The following GAB1 variants were observed in gnomAD, a reference collection of about 807,000 sequenced individuals.
GAB1 encodes GRB2 associated binding protein 1.
GAB1 carries 19 observed loss-of-function variants against 66.5 expected under a neutral mutation model. The observed-to-expected ratio is 0.29, with a 90% CI of 0.20 to 0.42. The LOEUF (loss-of-function observed/expected upper bound fraction) is 0.42. Among genes scored for constraint, GAB1 ranks in the 10% least tolerant of loss-of-function variants. GAB1 has a pLI of 1.00. For missense variants in GAB1, 732 were observed against 858.5 expected, an observed-to-expected ratio of 0.85 and a Z score of 1.84; for synonymous variants, 294 against 301.4, an observed-to-expected ratio of 0.98 and a Z score of 0.25.
intron 2 of GAB1, chr4:143,425,754 T>G: frequency 1.3e-6 from 1 of 762,678 alleles, no homozygotes; most frequent in South Asian, 1.3e-5. Flanking sequence ...AGCTCCTGAG[T>G]TCACTGCTAC....
At position 143,469,214 on chromosome 4, in the gene GAB1, C is replaced by T; in HGVS notation, c.*25C>T. 6.2e-7 allele frequency: 1 copy of T among 1,609,984 alleles called. No homozygotes were observed. The highest frequency in any genetic ancestry group is 1.3e-5 in the African/African-American group (1 of 74,774). On this transcript the variant is annotated 3_prime_UTR_variant, in exon 10 of 10. Transcript: ENST00000262994. ...AAAATATTGCCTTGCCATTTCTGAACAAAAGAAAACTGAATTGTAAAGATA... is the reference window on the plus strand; with the variant it reads ...AAAATATTGCCTTGCCATTTCTGAATAAAAGAAAACTGAATTGTAAAGATA...
At chr4:143,351,601 G>C (rs1248579577) in intron 1 of GAB1, among the ~76,000 whole-genome samples, 6 of 152,180 alleles carry the variant, frequency 3.9e-5, no homozygotes, top group African/African-American at 1.2e-4. Context: ...ACCTAGGTTC[G>C]TGGGGATGGA....
intron 6 of GAB1, among the ~76,000 whole-genome samples, chr4:143,454,972 TAGGAA>T (rs2149784758): frequency 6.6e-6 from 1 of 152,190 alleles, no homozygotes; most frequent in East Asian, 1.9e-4. Context: ...TCTTTTCCTC[TAGGAA>T]TAGGTTTTAA....
intron 1 of GAB1, among the ~76,000 whole-genome samples, chr4:143,383,014 G>A (rs1730722714): frequency 6.6e-6 from 1 of 152,042 alleles, no homozygotes; most frequent in Non-Finnish European, 1.5e-5. Flanking sequence ...TTTAACAGTT[G>A]TTTTCTGCTG....
At position 143,416,072 on chromosome 4, in the gene GAB1, A is replaced by G. The variant is rs980001767; in HGVS notation, c.367+301A>G. Among the ~76,000 whole-genome samples, 10 of 152,202 alleles carry G rather than the reference A, an allele frequency of 6.6e-5. No homozygotes were observed. The highest frequency in any genetic ancestry group is 2.4e-4 in the African/African-American group (10 of 41,462). ...CAATATAAATATTCAGTTTAACCAT[A>G]TAACACTGTTGATATTTTACTATTT... On this transcript the variant is annotated intron_variant, in intron 2 of 9. Transcript: ENST00000262994.
intron 1 of GAB1, among the ~76,000 whole-genome samples, chr4:143,412,032 A>G (rs1012998906): frequency 6.6e-6 from 1 of 152,102 alleles, no homozygotes; most frequent in Non-Finnish European, 1.5e-5. Context: ...TATAATGTCT[A>G]CTCAGCCTCT....
In GAB1 at chr4:143,346,144, C is replaced by G. The variant is rs1390261308; in HGVS notation, c.72+8884C>G. On this transcript the variant is annotated intron_variant, in intron 1 of 9. Transcript: ENST00000262994. Reference sequence around the variant, plus strand: ...TTCTCTGTGATATAAGCCTAGACATCAAAAATCACAAAATATTTGTGTCCC... The same window carrying G: ...TTCTCTGTGATATAAGCCTAGACATGAAAAATCACAAAATATTTGTGTCCC... Among the ~76,000 whole-genome samples, 4 of 152,288 alleles carry G rather than the reference C, an allele frequency of 2.6e-5. No individual in the cohort carries two copies. In the East Asian group the frequency reaches 7.7e-4, roughly 29 times the overall value.
At chr4:143,416,249 CA>C (rs1289398978) in intron 2 of GAB1, among the ~76,000 whole-genome samples, 3 of 150,946 alleles carry the variant, frequency 2.0e-5, no homozygotes, top group South Asian at 2.1e-4. Flanking sequence ...ACTAAAAATA[CA>C]AAAAAAAATT....
rs541380364 is a variant in GAB1, at chr4:143,439,298, C to A, written c.1196-504C>A. ...AAGCTAAAGTTTTTAATGCACATATCCTAAACAGTATGTGCTAAAATTTCT... is the reference window on the plus strand; with the variant it reads ...AAGCTAAAGTTTTTAATGCACATATACTAAACAGTATGTGCTAAAATTTCT... On this transcript the variant is annotated intron_variant, in intron 4 of 9. Coordinates refer to ENST00000262994, the MANE Select transcript of GAB1 (RefSeq NM_002039.4). 4.3e-4 allele frequency among the ~76,000 whole-genome samples: 66 copies of A among 152,256 alleles called. 1 individual carries two copies. Among genetic ancestry groups the A allele is most frequent in the Admixed American group, 3.7e-3 (57 of 15,286 alleles).
intron 9 of GAB1, among the ~76,000 whole-genome samples, chr4:143,467,990 G>C (rs183246845): frequency 3.1e-4 from 47 of 152,170 alleles, no homozygotes; most frequent in Admixed American, 2.6e-4. Flanking sequence ...GAATGAAAAG[G>C]CATCAGCTTA....
chr4:143,399,185 C>A (rs1731618151), intron 1 of GAB1, among the ~76,000 whole-genome samples: 1 of 152,126 alleles, frequency 6.6e-6, no homozygotes, highest in Non-Finnish European at 1.5e-5. Context: ...AGTAAAGTGG[C>A]CAGACCATGT....
intron 1 of GAB1, among the ~76,000 whole-genome samples, chr4:143,344,761 TAGA>T (rs1728937083): frequency 1.3e-5 from 2 of 152,184 alleles, no homozygotes; most frequent in African/African-American, 4.8e-5. Context: ...TCTTAAATAA[TAGA>T]AGAATGCCCT....
At chr4:143,339,616 A>G (rs2149639270) in intron 1 of GAB1, among the ~76,000 whole-genome samples, 1 of 152,362 alleles carries the variant, frequency 6.6e-6, no homozygotes, top group Non-Finnish European at 1.5e-5. Flanking sequence ...TCAGGTGCAC[A>G]GTGCTAAAGA....
chr4:143,441,613 C>T (rs886902002), intron 6 of GAB1, among the ~76,000 whole-genome samples: 2 of 151,380 alleles, frequency 1.3e-5, no homozygotes, highest in Admixed American at 1.3e-4. Flanking sequence ...TTCTAGGGGA[C>T]TGTTGCTGTG....
chr4:143,472,032 C>G lies in GAB1; in HGVS notation c.*2843C>G, dbSNP rs148179986. 6.6e-6 allele frequency: 1 copy of G among 152,228 alleles called. No individual in the cohort carries two copies. Among genetic ancestry groups the G allele is most frequent in the East Asian group, 1.9e-4 (1 of 5,186 alleles). 9.4% of individuals were successfully genotyped at this position (152,228 alleles called of 1,614,324 possible). ...CACATTAGAGTTCTTTACCTTAATT[C>G]CTTATTCTGAAAAATTGTAAGATTT... On this transcript the variant is annotated 3_prime_UTR_variant, in exon 10 of 10. Transcript: ENST00000262994.
intron 1 of GAB1, among the ~76,000 whole-genome samples, chr4:143,414,667 C>T (rs1227269812): frequency 2.0e-5 from 3 of 151,480 alleles, no homozygotes; most frequent in Non-Finnish European, 4.4e-5. Flanking sequence ...TCCTTGCCAC[C>T]GCACCTAAAA....
At chr4:143,355,370 C>T (rs564238513) in intron 1 of GAB1, among the ~76,000 whole-genome samples, 3 of 152,128 alleles carry the variant, frequency 2.0e-5, no homozygotes, top group Non-Finnish European at 4.4e-5. Flanking sequence ...TTAGCTGTCT[C>T]GTGGAGCAGT....
Position 143,438,328 on chromosome 4 carries a change from A to G in GAB1, c.923A>G (p.Asp308Gly), listed in dbSNP as rs1469162878. ...TQMRHVSISYDIPPTPGNTYQ... is the reference protein window; with the variant it reads ...TQMRHVSISYGIPPTPGNTYQ... ...ATGAGGCATGTATCTATTAGTTATGACATTCCTCCAACACCTGGTAATACT... is the reference window on the plus strand; with the variant it reads ...ATGAGGCATGTATCTATTAGTTATGGCATTCCTCCAACACCTGGTAATACT... The change falls in exon 4 of 10, where the codon GAC becomes GGC. Residue 308 changes from aspartate to glycine, a missense_variant. By Grantham distance (94) the Asp-to-Gly change is moderately conservative (BLOSUM62 -1). This residue lies in a region of GAB1 where 427 missense variants were observed against 420.6 expected (regional missense o/e 1.02). Transcript: ENST00000262994. 6.2e-7 allele frequency: 1 copy of G among 1,614,124 alleles called. No individual in the cohort carries two copies.
At chr4:143,445,054 C>A (rs531691277) in intron 6 of GAB1, among the ~76,000 whole-genome samples, 121 of 152,210 alleles carry the variant, frequency 7.9e-4, no homozygotes, top group African/African-American at 2.8e-3. Flanking sequence ...AGTGAACATG[C>A]GAGTTCGTGT....
Sources: allele counts gnomAD v4.1 joint callset (sites outside exome capture counted in the v4.1 genomes callset), GRCh38; gene constraint gnomAD v4.1.1; regional missense constraint gnomAD v4.1.1; transcripts MANE v1.5; gene names NCBI Gene and HGNC (gene_info 2026-07-23, HGNC 2026-07-21).